The following DPYSL2 variants were observed in gnomAD, a reference collection of about 807,000 sequenced individuals.
The protein encoded by DPYSL2 is dihydropyrimidinase like 2, also known as dihydropyrimidinase-related protein 2.
Under a neutral mutation model 69.9 loss-of-function variants are expected in DPYSL2, and 13 were observed. The ratio of observed to expected loss-of-function variants is 0.19; its 90% CI spans 0.12 to 0.30. DPYSL2 has a LOEUF of 0.30. DPYSL2 is among the 10% of genes least tolerant of loss of function. The pLI is 1.00. For missense variants in DPYSL2, 587 were observed against 918.9 expected (o/e 0.64, Z 4.67); for synonymous variants, 326 against 359.1 (o/e 0.91, Z 1.04).
intron 7 of DPYSL2, among the ~76,000 whole-genome samples, chr8:26,628,737 G>T (rs143202574): frequency 1.3e-5 from 2 of 152,150 alleles, no homozygotes; most frequent in Non-Finnish European, 2.9e-5. Context: ...AGGGACTGGC[G>T]CCGAGCAGTG....
At chr8:26,655,553 A>G (rs1803365781) in intron 13 of DPYSL2, 62 bp from the exon 14 acceptor site, 3 of 1,404,786 alleles carry the variant, frequency 2.1e-6, no homozygotes, top group Admixed American at 4.3e-5. Context: ...TTCACCTTCA[A>G]GCAGGATCTT....
intron 13 of DPYSL2, 116 bp from the exon 14 acceptor site, chr8:26,655,499 A>G (rs1044753709): frequency 4.2e-6 from 4 of 946,634 alleles, no homozygotes; most frequent in Non-Finnish European, 6.1e-6. Context: ...CTGTCTCCAA[A>G]AAAAAAGAAT....
intron 1 of DPYSL2, among the ~76,000 whole-genome samples, chr8:26,534,968 T>A (rs532227375): frequency 1.4e-4 from 22 of 152,346 alleles, no homozygotes; most frequent in African/African-American, 5.3e-4. Context: ...AGCATTTCTA[T>A]GACTGTTTCC....
At chr8:26,608,034 G>A (rs538012067) in intron 3 of DPYSL2, among the ~76,000 whole-genome samples, 162 of 144,322 alleles carry the variant, frequency 1.1e-3, no homozygotes, top group African/African-American at 3.9e-3. Flanking sequence ...CCTAGATCAC[G>A]CCACTGCACT....
At chr8:26,578,714 G>A (rs971797294) in intron 1 of DPYSL2, among the ~76,000 whole-genome samples, 4 of 152,218 alleles carry the variant, frequency 2.6e-5, no homozygotes, top group African/African-American at 9.6e-5. Flanking sequence ...TGGGGACTTG[G>A]ATCCTCCCCG....
chr8:26,656,619 C>G lies in DPYSL2; in HGVS notation c.*913C>G, dbSNP rs1364878331. The G allele has an allele frequency of 6.5e-6, 1 of 152,700 alleles. No homozygotes were observed. Among genetic ancestry groups the G allele is most frequent in the East Asian group, 1.9e-4 (1 of 5,194 alleles). The allele number at this position is 152,700 out of a possible 1,614,324, so 9.5% of individuals were successfully genotyped here. ...TTTTCACCTCCCAGGTCTACCATTT[C>G]ATGGTGGTCGTTGGGTCCGCCTAAA... On this transcript the variant is annotated 3_prime_UTR_variant, in exon 14 of 14. Coordinates refer to ENST00000521913, the MANE Select transcript of DPYSL2 (RefSeq NM_001197293.3).
At chr8:26,637,493 G>A (rs1802947173) in intron 8 of DPYSL2, 2 of 152,242 alleles carry the variant, frequency 1.3e-5, no homozygotes, top group Non-Finnish European at 2.9e-5. Context: ...CCGTGTAAAT[G>A]TTTGACTGAC....
At chr8:26,546,314 G>T (rs1274173043) in intron 1 of DPYSL2, among the ~76,000 whole-genome samples, 1 of 152,176 alleles carries the variant, frequency 6.6e-6, no homozygotes, top group African/African-American at 2.4e-5. Flanking sequence ...ATACAGGAAA[G>T]CAATGGACTT....
intron 1 of DPYSL2, among the ~76,000 whole-genome samples, chr8:26,543,748 A>G (rs1325320382): frequency 6.6e-6 from 1 of 152,150 alleles, no homozygotes; most frequent in African/African-American, 2.4e-5. Context: ...CGGCCTCCCA[A>G]AGTGCTGGGA....
chr8:26,542,262 G>T (rs1296575097), intron 1 of DPYSL2, among the ~76,000 whole-genome samples: 1 of 151,992 alleles, frequency 6.6e-6, no homozygotes, highest in East Asian at 1.9e-4. Flanking sequence ...CTCTAGTCTG[G>T]GTGACAGTCT....
intron 1 of DPYSL2, among the ~76,000 whole-genome samples, chr8:26,541,606 G>T (rs1800684896): frequency 6.6e-6 from 1 of 152,176 alleles, no homozygotes; most frequent in Admixed American, 6.5e-5. Flanking sequence ...CAATGTAAAA[G>T]TTAATAGAGA....
At chr8:26,600,471 G>A (rs757027496) in intron 3 of DPYSL2, among the ~76,000 whole-genome samples, 76 of 152,250 alleles carry the variant, frequency 5.0e-4, no homozygotes, top group Non-Finnish European at 1.1e-3. Flanking sequence ...ATTGTCTGTC[G>A]TTTTGATTAT....
chr8:26,527,275 A>G (rs1054624714), intron 1 of DPYSL2, among the ~76,000 whole-genome samples: 1 of 152,156 alleles, frequency 6.6e-6, no homozygotes, highest in Non-Finnish European at 1.5e-5. Context: ...TTGATGTGAT[A>G]AGTTATATTC....
rs756866078 is a variant in DPYSL2, at chr8:26,583,955, G to A, written c.600G>A (p.Ala200=). The A allele has an allele frequency of 6.2e-6, 10 of 1,613,984 alleles. No homozygotes were observed. The highest frequency in any genetic ancestry group is 2.2e-5 in the South Asian group (2 of 91,064). ...SADDFFQGTK[A]ALAGGTTMII... ...ATGATTTCTTCCAAGGAACCAAGGCGGCCCTGGCTGGGGGAACCACTATGA... is the reference window on the plus strand; with the variant it reads ...ATGATTTCTTCCAAGGAACCAAGGCAGCCCTGGCTGGGGGAACCACTATGA... The change falls in exon 3 of 14, where the codon GCG becomes GCA. Residue 200 remains alanine (A), a synonymous_variant. Transcript: ENST00000521913.
rs1307007947 is a variant in DPYSL2, at chr8:26,597,278, C to T, written c.628+13295C>T. On this transcript the variant is annotated intron_variant, in intron 3 of 13. Transcript: ENST00000521913. The surrounding 1 kb of genome is among the most constrained non-coding windows in gnomAD (Gnocchi z 5.2). Reference sequence around the variant, plus strand: ...AACTTAATCCTTCTTCTGGGAGGCCCGGGAGCCTTCTTCCATGCGGGGCCA... The same window carrying T: ...AACTTAATCCTTCTTCTGGGAGGCCTGGGAGCCTTCTTCCATGCGGGGCCA... Among the ~76,000 whole-genome samples the T allele has an allele frequency of 1.3e-5, 2 of 152,174 alleles. No homozygotes were observed. Among genetic ancestry groups the T allele is most frequent in the African/African-American group, 2.4e-5 (1 of 41,444 alleles).
At chr8:26,546,494 T>C (rs1360981129) in intron 1 of DPYSL2, among the ~76,000 whole-genome samples, 1 of 152,154 alleles carries the variant, frequency 6.6e-6, no homozygotes, top group African/African-American at 2.4e-5. Context: ...AAAAATAAAT[T>C]AGACACCTTT....
intron 8 of DPYSL2, chr8:26,638,030 C>G (rs1168228003): frequency 6.6e-6 from 1 of 152,236 alleles, no homozygotes; most frequent in Non-Finnish European, 1.5e-5. Context: ...TTCTGGCCCC[C>G]TGAGGCAAGT....
intron 1 of DPYSL2, among the ~76,000 whole-genome samples, chr8:26,549,046 A>G (rs1800829363): frequency 6.6e-6 from 1 of 151,868 alleles, no homozygotes; most frequent in Non-Finnish European, 1.5e-5. Flanking sequence ...AAAATTAGCT[A>G]GGGATGGTGG....
At chr8:26,612,639 C>T (rs1170031938) in intron 3 of DPYSL2, among the ~76,000 whole-genome samples, 3 of 152,202 alleles carry the variant, frequency 2.0e-5, no homozygotes, top group Non-Finnish European at 2.9e-5. Context: ...ATCACTTGAG[C>T]TCATTATCTG....
Sources: gnomAD v4.1 joint callset for allele counts (sites outside exome capture counted in the v4.1 genomes callset) on GRCh38, gnomAD v4.1.1 for gene constraint, Gnocchi (gnomAD v3.1) non-coding constraint, MANE v1.5 for transcripts, NCBI Gene and HGNC (gene_info 2026-07-23, HGNC 2026-07-21) for gene names.